Variants in KIAA1958 observed in about 807,000 individuals in gnomAD.
KIAA1958 encodes the protein uncharacterized protein KIAA1958.
In KIAA1958, 14 loss-of-function variants were observed where a neutral mutation model predicts 47.2. The observed-to-expected ratio is 0.30, with a 90% CI of 0.20 to 0.46. The LOEUF is 0.46. Among genes scored for constraint, KIAA1958 ranks in the 20% least tolerant of loss-of-function variants. The probability of loss-of-function intolerance (pLI) is 1.00; values close to 1 mark genes in which losing one functional copy is unlikely to be tolerated. For missense variants in KIAA1958, 803 were observed against 909.2 expected, an observed-to-expected ratio of 0.88 and a Z score of 1.50; for synonymous variants, 354 against 353.3, an observed-to-expected ratio of 1.00 and a Z score of -0.02.
intron 2 of KIAA1958, among the ~76,000 whole-genome samples, chr9:112,595,380 G>A (rs776939004): frequency 9.2e-5 from 14 of 152,274 alleles, no homozygotes; most frequent in Non-Finnish European, 1.3e-4. Flanking sequence ...AATTAAGCTG[G>A]CCGGGTGCAG....
chr9:112,549,131 A>G (rs568137349), intron 1 of KIAA1958, among the ~76,000 whole-genome samples: 1 of 152,368 alleles, frequency 6.6e-6, no homozygotes, highest in African/African-American at 2.4e-5. Context: ...CTGGATGACT[A>G]GATTATATAG....
In KIAA1958 at chr9:112,625,713, T is replaced by C. The variant is rs191042404; in HGVS notation, c.1172-19937T>C. On this transcript the variant is annotated intron_variant, in intron 2 of 3. Coordinates refer to ENST00000337530, the MANE Select transcript of KIAA1958 (RefSeq NM_133465.4). ...GTAGATTCAAGCTGCCAAGTTCCAATAGGCTGTTCTTGAATGTGACATTTC... is the reference window on the plus strand; with the variant it reads ...GTAGATTCAAGCTGCCAAGTTCCAACAGGCTGTTCTTGAATGTGACATTTC... 2.4e-3 allele frequency among the ~76,000 whole-genome samples: 371 copies of C among 152,350 alleles called. 8 individuals are homozygous for C. The highest frequency in any genetic ancestry group is 3.0e-3 in the Non-Finnish European group (207 of 68,030).
chr9:112,595,221 C>G (rs1267832415), intron 2 of KIAA1958, among the ~76,000 whole-genome samples: 1 of 152,084 alleles, frequency 6.6e-6, no homozygotes, highest in Non-Finnish European at 1.5e-5. Flanking sequence ...CAATTAGATA[C>G]AAGATAATCC....
intron 1 of KIAA1958, among the ~76,000 whole-genome samples, chr9:112,548,725 A>G (rs568076546): frequency 2.0e-4 from 30 of 152,304 alleles, no homozygotes; most frequent in Non-Finnish European, 2.6e-4. Flanking sequence ...TAAATGAATA[A>G]TTTCAGCATC....
In KIAA1958 at chr9:112,665,344, ATAT is replaced by A. The variant is rs1316006768; in HGVS notation, c.*5277_*5279del. 2 of 152,216 alleles carry A rather than the reference ATAT, an allele frequency of 1.3e-5. No homozygotes were observed. The highest frequency in any genetic ancestry group is 2.9e-5 in the Non-Finnish European group (2 of 68,036). 9.4% of individuals were successfully genotyped at this position (152,216 alleles called of 1,614,324 possible). Reference sequence around the variant, plus strand: ...TTACGTGCTTTCTCACAGCTGCCATATATTCTCATGTAATCTTTACAACCGCTC... The same window carrying A: ...TTACGTGCTTTCTCACAGCTGCCATATCTCATGTAATCTTTACAACCGCTC... On this transcript the variant is annotated 3_prime_UTR_variant, in exon 4 of 4. Coordinates refer to ENST00000337530, the MANE Select transcript of KIAA1958 (RefSeq NM_133465.4).
chr9:112,623,420 C>G (rs796258552), intron 2 of KIAA1958, among the ~76,000 whole-genome samples: 9 of 152,310 alleles, frequency 5.9e-5, no homozygotes, highest in African/African-American at 1.9e-4. Flanking sequence ...ATCCAGATCC[C>G]ATTAAGCACT....
chr9:112,648,061 A>C (rs1199893292), intron 3 of KIAA1958, among the ~76,000 whole-genome samples: 1 of 152,246 alleles, frequency 6.6e-6, no homozygotes, highest in Non-Finnish European at 1.5e-5. Context: ...AAATCAGTTA[A>C]GTCTTTCACT....
intron 2 of KIAA1958, among the ~76,000 whole-genome samples, chr9:112,596,447 G>T (rs114725179): frequency 2.2e-4 from 33 of 152,138 alleles, no homozygotes; most frequent in African/African-American, 7.9e-4. Context: ...ATTATTCTGT[G>T]TTATGGAAGG....
rs373586727 is a variant in KIAA1958 at position 112,659,245 on chromosome 9, G to A, written c.1345-18G>A. ...TGTGAGTGTCAAGTGTGTAACCTCC[G>A]TGTTTGTCTCATTTGAGATCCCTGC... On this transcript the variant is annotated intron_variant, in intron 3 of 3. Transcript: ENST00000337530. The A allele has an allele frequency of 3.2e-5, 51 of 1,598,558 alleles. No homozygotes were observed. Among genetic ancestry groups the A allele is most frequent in the Non-Finnish European group, 3.9e-5 (46 of 1,171,556 alleles).
At chr9:112,498,535 C>G (rs1300482118) in intron 1 of KIAA1958, among the ~76,000 whole-genome samples, 1 of 150,736 alleles carries the variant, frequency 6.6e-6, no homozygotes. Context: ...GTTTAAACAG[C>G]CTTTGAAGAT....
intron 1 of KIAA1958, among the ~76,000 whole-genome samples, chr9:112,508,288 G>A (rs1261558741): frequency 6.6e-6 from 1 of 152,086 alleles, no homozygotes; most frequent in Non-Finnish European, 1.5e-5. Flanking sequence ...TACACTACTA[G>A]TATGCATCTA....
intron 3 of KIAA1958, among the ~76,000 whole-genome samples, chr9:112,647,196 A>C (rs528411057): frequency 1.3e-5 from 2 of 152,188 alleles, no homozygotes; most frequent in Admixed American, 6.5e-5. Context: ...CAACAGAAGC[A>C]GTGACCAGTA....
rs1042950866 is a variant in KIAA1958 at position 112,665,703 on chromosome 9, G to A, written c.*5634G>A. The A allele has an allele frequency of 4.6e-5, 7 of 152,178 alleles. No individual in the cohort carries two copies. The Middle Eastern group carries it at 0.01, about 222-fold the overall frequency. 9.4% of individuals were successfully genotyped at this position (152,178 alleles called of 1,614,324 possible). On this transcript the variant is annotated 3_prime_UTR_variant, in exon 4 of 4. Transcript: ENST00000337530. ...CTTAATCGATCCTGGAAAGCCTGGC[G>A]GTTCCCCAGTATTTTCTGCCTACTG... is the stretch of plus-strand genomic sequence containing the variant.
intron 1 of KIAA1958, among the ~76,000 whole-genome samples, chr9:112,500,900 G>A (rs1413285460): frequency 6.6e-6 from 1 of 151,526 alleles, no homozygotes; most frequent in Non-Finnish European, 1.5e-5. Flanking sequence ...CTTGATCCCA[G>A]GAATTTCAAG....
intron 2 of KIAA1958, among the ~76,000 whole-genome samples, chr9:112,607,158 A>G (rs1564188880): frequency 6.6e-6 from 1 of 152,050 alleles, no homozygotes; most frequent in Non-Finnish European, 1.5e-5. Context: ...GGGGTTCCAG[A>G]CCAGCCTGAC....
At chr9:112,492,580 T>C (rs1833987640) in intron 1 of KIAA1958, among the ~76,000 whole-genome samples, 1 of 152,168 alleles carries the variant, frequency 6.6e-6, no homozygotes, top group Non-Finnish European at 1.5e-5. Context: ...TCACTCCACA[T>C]GTGGGATTTT....
chr9:112,516,094 C>T lies in KIAA1958; in HGVS notation c.-25+28976C>T, dbSNP rs570056663. Among the ~76,000 whole-genome samples, 19 of 152,106 alleles carry T rather than the reference C, an allele frequency of 1.2e-4. 1 individual carries two copies. Among genetic ancestry groups the T allele is most frequent in the African/African-American group, 4.6e-4 (19 of 41,526 alleles). On this transcript the variant is annotated intron_variant, in intron 1 of 3. Coordinates refer to ENST00000337530, the MANE Select transcript of KIAA1958 (RefSeq NM_133465.4). ...CAAAATGATTGTCTATGTAGCAAAT[C>T]TTGTGGGATCTGCAGAAGAAATACT...
In KIAA1958 at chr9:112,487,103, GCA is replaced by G. The variant is rs1453051195; in HGVS notation, c.-37_-36del. 3 of 216,422 alleles carry G rather than the reference GCA, an allele frequency of 1.4e-5. No homozygotes were observed. Among genetic ancestry groups the G allele is most frequent in the Non-Finnish European group, 2.8e-5 (3 of 106,610 alleles). The allele number at this position is 216,422 out of a possible 1,614,324, so 13.4% of individuals were successfully genotyped here. A position where few individuals can be genotyped will look rare whatever the true frequency, so the allele number is the denominator to read the frequency against. On this transcript the variant is annotated 5_prime_UTR_variant, in exon 1 of 4. The change creates a premature stop within an existing upstream ORF in the 5' untranslated region. Transcript: ENST00000337530. ...GCCGACCGCGTTCCTATGGACAGAC[GCA>G]CAGACACCTGCAGGTGGGTGAGAGC...
chr9:112,599,746 T>C (rs1432661549), intron 2 of KIAA1958, among the ~76,000 whole-genome samples: 1 of 152,206 alleles, frequency 6.6e-6, no homozygotes, highest in Non-Finnish European at 1.5e-5. Context: ...AAGATTCTTT[T>C]TGGAAATTGT....
Sources: gnomAD v4.1 joint callset for allele counts (sites outside exome capture counted in the v4.1 genomes callset) on GRCh38, gnomAD v4.1.1 for gene constraint, MANE v1.5 for transcripts, NCBI Gene and HGNC (gene_info 2026-07-23, HGNC 2026-07-21) for gene names.